TCF25: variants seen among roughly 807,000 people sequenced by gnomAD.
TCF25 encodes TCF25 ribosome quality control complex subunit, also known as ribosome quality control complex subunit TCF25.
TCF25 carries 41 observed loss-of-function variants against 83.1 expected under a neutral mutation model. The observed-to-expected ratio is 0.49, with a 90% CI of 0.38 to 0.64. The LOEUF (loss-of-function observed/expected upper bound fraction) is 0.64, where lower values mean the gene tolerates loss of function less well. TCF25 is among the 30% of genes least tolerant of loss of function. TCF25 has a pLI of 0.00. For synonymous variants in TCF25, 458 were observed against 365.0 expected (o/e 1.25, Z -2.90); for missense variants, 979 against 914.5 (o/e 1.07, Z -0.91).
At chr16:89,891,001 C>T (rs1470324107) in intron 5 of TCF25, among the ~76,000 whole-genome samples, 3 of 152,124 alleles carry the variant, frequency 2.0e-5, no homozygotes, top group African/African-American at 7.2e-5. Context: ...GTGGTTCTCT[C>T]AGAAGCTCAG....
Position 89,911,314 on chromosome 16 carries a change from T to C in TCF25, c.*76T>C, listed in dbSNP as rs1473771970. On this transcript the variant is annotated 3_prime_UTR_variant, in exon 18 of 18. Coordinates refer to ENST00000263346, the MANE Select transcript of TCF25 (RefSeq NM_014972.3). ...TGTTGGTCGGAGTCGGCCAGTTGCC[T>C]GAAGTAGGGAAGCTGAGTGTGTCGC... 13 of 1,578,914 alleles carry C rather than the reference T, an allele frequency of 8.2e-6. No individual in the cohort carries two copies. Among genetic ancestry groups the C allele is most frequent in the Middle Eastern group, 1.9e-4 (1 of 5,202 alleles).
At chr16:89,905,402 A>G (rs1486354588) in intron 14 of TCF25, among the ~76,000 whole-genome samples, 1 of 152,200 alleles carries the variant, frequency 6.6e-6, no homozygotes, top group Non-Finnish European at 1.5e-5. Context: ...CGAGTCTCTC[A>G]CAGCAGCATC....
At position 89,906,189 on chromosome 16, in the gene TCF25, C is replaced by A. The variant is rs775369424; in HGVS notation, c.1629-5C>A. 6.2e-7 allele frequency: 1 copy of A among 1,612,912 alleles called. No homozygotes were observed. Among genetic ancestry groups the A allele is most frequent in the Non-Finnish European group, 8.5e-7 (1 of 1,179,786 alleles). On this transcript the variant is annotated splice_region_variant and splice_polypyrimidine_tract_variant and intron_variant, in intron 14 of 17. Transcript: ENST00000263346. ...CTGCTGTGCCTTGTTTCTCCCCGGC[C>A]CTAGGCGGAAGGTGCTCTACCAGCG...
At chr16:89,900,325 G>C (rs2044220876) in intron 11 of TCF25, among the ~76,000 whole-genome samples, 1 of 138,138 alleles carries the variant, frequency 7.2e-6, no homozygotes, top group Non-Finnish European at 1.7e-5. Flanking sequence ...TCCACATTGA[G>C]AGCACCAACT....
At chr16:89,908,006 A>C (rs921138060) in intron 16 of TCF25, among the ~76,000 whole-genome samples, 1,584 of 12,994 alleles carry the variant, frequency 0.12, no homozygotes, top group Middle Eastern at 0.14. Flanking sequence ...CCTCCCAGCT[A>C]CCGCCTCCCT....
intron 17 of TCF25, 98 bp downstream of exon 17, chr16:89,910,761 A>G: frequency 7.3e-7 from 1 of 1,361,418 alleles, no homozygotes; most frequent in Non-Finnish European, 1.0e-6. Flanking sequence ...GGACTGTGCC[A>G]GCCGGCACAG....
intron 11 of TCF25, among the ~76,000 whole-genome samples, chr16:89,900,425 C>T (rs911223769): frequency 6.6e-6 from 1 of 152,152 alleles, no homozygotes; most frequent in Non-Finnish European, 1.5e-5. Flanking sequence ...CTCAGGCCCT[C>T]CCACGTCCTC....
At chr16:89,911,021 C>A in intron 17 of TCF25, 59 bp from the exon 18 acceptor site, 2 of 1,596,700 alleles carry the variant, frequency 1.3e-6, no homozygotes, top group East Asian at 4.5e-5. Flanking sequence ...CTGCTTGGGC[C>A]CCGGGCCCCT....
rs79441750 is a variant in TCF25, at chr16:89,885,989, C to A, written c.548+23C>A. 1,776 of 1,367,390 alleles carry A rather than the reference C, an allele frequency of 1.3e-3. 5 individuals carry two copies. The highest frequency in any genetic ancestry group is 4.8e-3 in the Admixed American group (257 of 53,810). The allele number at this position is 1,367,390 out of a possible 1,614,324, so 84.7% of individuals were successfully genotyped here. ...CAGGTGTGGCCCCCGCCCTTCTCTG[C>A]GGCTGCCCTTCTCTGCGGCTGCCCT... On this transcript the variant is annotated intron_variant, in intron 4 of 17. Transcript: ENST00000263346.
At chr16:89,886,714 A>G (rs1597301032) in intron 4 of TCF25, among the ~76,000 whole-genome samples, 1 of 152,096 alleles carries the variant, frequency 6.6e-6, no homozygotes, top group East Asian at 1.9e-4. Context: ...GTGAGCTGAG[A>G]TTGTGCCACT....
chr16:89,896,602 G>A (rs183038530), intron 9 of TCF25, among the ~76,000 whole-genome samples: 342 of 146,170 alleles, frequency 2.3e-3, no homozygotes, highest in African/African-American at 8.1e-3. Flanking sequence ...CACCCAGGCC[G>A]GAGTGCAGGG....
At position 89,873,745 on chromosome 16, in the gene TCF25, C is replaced by T. The variant is rs745432572; in HGVS notation, c.78C>T (p.Phe26=). ...CCCTCGGGCCCGGCGCCTTGCATTT[C>T]GATCTCCGTGATGACGATGACGCGG... ...QEPLGPGALH[F]DLRDDDDAEE... Residue 26 remains phenylalanine, a synonymous_variant, in exon 1 of 18, where the codon TTC becomes TTT. Transcript: ENST00000263346. The T allele has an allele frequency of 1.2e-6, 2 of 1,610,982 alleles. No homozygotes were observed. Among genetic ancestry groups the T allele is most frequent in the Non-Finnish European group, 1.7e-6 (2 of 1,179,140 alleles).
Position 89,873,766 on chromosome 16 carries a change from C to A in TCF25, c.99C>A (p.Asp33Glu). The change falls in exon 1 of 18, where the codon GAC (aspartate) becomes GAA (glutamate). Residue 33 changes from aspartate to glutamate, a missense_variant. By Grantham distance (45) the Asp-to-Glu change is conservative. Coordinates refer to ENST00000263346, the MANE Select transcript of TCF25 (RefSeq NM_014972.3). ...ATTTCGATCTCCGTGATGACGATGA[C>A]GCGGAAGAAGAAGGGCCCAAGCGGG... is the stretch of plus-strand genomic sequence containing the variant. The part of the protein sequence containing the change: ...ALHFDLRDDD[D>E]AEEEGPKREL... 1 of 1,610,976 alleles carries A rather than the reference C, an allele frequency of 6.2e-7. No homozygotes were observed. Among genetic ancestry groups the A allele is most frequent in the Non-Finnish European group, 8.5e-7 (1 of 1,179,164 alleles).
At chr16:89,891,245 GC>G (rs1320233571) in intron 5 of TCF25, among the ~76,000 whole-genome samples, 1 of 152,206 alleles carries the variant, frequency 6.6e-6, no homozygotes, top group African/African-American at 2.4e-5. Flanking sequence ...CGCAGGTCAG[GC>G]CATCCCTGGG....
At chr16:89,893,693 C>T in intron 6 of TCF25, 35 bp from the exon 7 acceptor site, 1 of 1,612,892 alleles carries the variant, frequency 6.2e-7, no homozygotes, top group South Asian at 1.1e-5. Flanking sequence ...GTCCCTGCTC[C>T]CGGCACACCC....
intron 14 of TCF25, among the ~76,000 whole-genome samples, chr16:89,905,672 A>C (rs1567736849): frequency 6.6e-6 from 1 of 152,210 alleles, no homozygotes; most frequent in Non-Finnish European, 1.5e-5. Context: ...CGCGGACATG[A>C]GGTGTGCCCG....
intron 11 of TCF25, 145 bp from the exon 12 acceptor site, chr16:89,900,490 G>A: frequency 1.2e-6 from 1 of 857,398 alleles, no homozygotes; most frequent in Non-Finnish European, 1.7e-6. Context: ...TTATCTTTAT[G>A]CTGAGTTAGG....
Position 89,900,737 on chromosome 16 carries a change from T to C in TCF25, c.1324T>C (p.Ser442Pro). The change falls in exon 12 of 18, where the codon TCT becomes CCT. Residue 442 changes from serine to proline, a missense_variant. Physicochemically the swap from Ser to Pro is moderately conservative, Grantham distance 74 (BLOSUM62 -1). Coordinates refer to ENST00000263346, the MANE Select transcript of TCF25 (RefSeq NM_014972.3). ...QTDLPECEQS[S>P]ARQKASLLIQ... Reference sequence around the variant, plus strand: ...AGACCTCCCTGAGTGTGAGCAGAGCTCTGCCAGGCAGAAGGCCTCTCTCCT... The same window carrying C: ...AGACCTCCCTGAGTGTGAGCAGAGCCCTGCCAGGCAGAAGGCCTCTCTCCT... 6.3e-7 allele frequency: 1 copy of C among 1,599,798 alleles called. No homozygotes were observed. The highest frequency in any genetic ancestry group is 2.3e-5 in the East Asian group (1 of 44,384).
At chr16:89,909,070 G>A (rs1486245345) in intron 16 of TCF25, 22 of 1,289,398 alleles carry the variant, frequency 1.7e-5, no homozygotes, top group Admixed American at 1.4e-4. Flanking sequence ...CTTGCGTGTC[G>A]GCCTCTGTGG....
Sources: allele counts gnomAD v4.1 joint callset (sites outside exome capture counted in the v4.1 genomes callset), GRCh38; gene constraint gnomAD v4.1.1; transcripts MANE v1.5; gene names NCBI Gene and HGNC (gene_info 2026-07-23, HGNC 2026-07-21).